Variants in NEDD9 observed in about 807,000 individuals in gnomAD.
NEDD9 encodes the protein neural precursor cell expressed, developmentally down-regulated 9, also known as enhancer of filamentation 1.
A neutral mutation model predicts 76.6 loss-of-function variants in NEDD9; 26 were observed. The ratio of observed to expected loss-of-function variants is 0.34; its 90% CI spans 0.25 to 0.47. The LOEUF is 0.47. NEDD9 is among the 20% of genes least tolerant of loss of function. The pLI, the probability that NEDD9 is intolerant of heterozygous loss-of-function variation, is 1.00. For missense variants in NEDD9, 937 were observed against 1,058.5 expected (o/e 0.89, Z 1.59); for synonymous variants, 392 against 414.2 (o/e 0.95, Z 0.65).
At chr6:11,234,106 T>C (rs1759552338), upstream of NEDD9, among the ~76,000 whole-genome samples, 3 of 152,312 alleles carry the variant, frequency 2.0e-5, no homozygotes, top group Middle Eastern at 3.4e-3. Context: ...CCTAATGAGG[T>C]TGACATACCT....
rs367635568 is a variant in NEDD9 at position 11,256,995 on chromosome 6, T to C, written c.13-43268A>G. ...TTTTTCAACCTCCAATGCTCATGAATGCCAGAAAACAGGGTAACATTTATA... is the reference window on the plus strand; with the variant it reads ...TTTTTCAACCTCCAATGCTCATGAACGCCAGAAAACAGGGTAACATTTATA... On this transcript the variant is annotated intron_variant, in intron 3 of 3. Transcript: ENST00000397378. Among the ~76,000 whole-genome samples the C allele has an allele frequency of 2.0e-4, 30 of 152,318 alleles. No individual in the cohort carries two copies. In the East Asian group the frequency reaches 3.9e-3, roughly 20 times the overall value.
In NEDD9 at chr6:11,190,183, G is replaced by A. The variant is rs1758099614; in HGVS notation, c.1686C>T (p.Gly562=). 6.2e-7 allele frequency: 1 copy of A among 1,614,226 alleles called. No individual in the cohort carries two copies. The highest frequency in any genetic ancestry group is 8.5e-7 in the Non-Finnish European group (1 of 1,180,044). Residue 562 remains glycine (G), a synonymous_variant, in exon 5 of 7, where the codon GGC becomes GGT. Coordinates refer to ENST00000379446, the MANE Select transcript of NEDD9 (RefSeq NM_006403.4). This position sits in a 1 kb window ranked among gnomAD's most constrained non-coding sequence, Gnocchi z 5.8. Reference sequence around the variant, plus strand: ...CCGGCCCATTCTTCAGATGCAAGCTGCCAGGGCCGGGTCTGAAGAGGGCCT... The same window carrying A: ...CCGGCCCATTCTTCAGATGCAAGCTACCAGGGCCGGGTCTGAAGAGGGCCT... ...NAEALFRPGP[G]SLHLKNGPES... is the part of the protein sequence containing the mutation.
intron 3 of NEDD9, among the ~76,000 whole-genome samples, chr6:11,240,509 C>T (rs865825394): frequency 6.6e-6 from 1 of 152,152 alleles, no homozygotes. Context: ...GTGTCACTAC[C>T]GTGCTACTAA....
At chr6:11,300,876 T>C (rs1406347392) in intron 3 of NEDD9, among the ~76,000 whole-genome samples, 1 of 152,100 alleles carries the variant, frequency 6.6e-6, no homozygotes, top group Admixed American at 6.5e-5. Context: ...GCACTAAGCA[T>C]GGAAAGGAAT....
At chr6:11,300,922 G>A (rs1445212298) in intron 3 of NEDD9, among the ~76,000 whole-genome samples, 4 of 152,292 alleles carry the variant, frequency 2.6e-5, no homozygotes, top group Non-Finnish European at 5.9e-5. Flanking sequence ...ATGCCAAATT[G>A]TAAAGACCAT....
chr6:11,190,587 T>C lies in NEDD9; in HGVS notation c.1282A>G (p.Met428Val). Reference protein sequence around the residue: ...QALEMGVSSLMALVTTDWRCY... With the variant: ...QALEMGVSSLVALVTTDWRCY... Reference sequence around the variant, plus strand: ...CGCCAGTCGGTAGTGACCAGTGCCATTAGGCTGGAGACACCCATCTCAAGG... The same window carrying C: ...CGCCAGTCGGTAGTGACCAGTGCCACTAGGCTGGAGACACCCATCTCAAGG... The change falls in exon 5 of 7, where the codon ATG (methionine) becomes GTG (valine). Residue 428 changes from methionine to valine, a missense_variant. By Grantham distance (21) the Met-to-Val change is conservative (BLOSUM62 1). Transcript: ENST00000379446. The surrounding 1 kb of genome is among the most constrained non-coding windows in gnomAD (Gnocchi z 5.8). The C allele has an allele frequency of 6.2e-7, 1 of 1,614,186 alleles. No individual in the cohort carries two copies. The highest frequency in any genetic ancestry group is 1.7e-5 in the Admixed American group (1 of 60,026).
At chr6:11,237,034 C>T (rs1339988931), upstream of NEDD9, among the ~76,000 whole-genome samples, 2 of 152,084 alleles carry the variant, frequency 1.3e-5, no homozygotes, top group East Asian at 1.9e-4. The surrounding 1 kb of genome is among the most constrained non-coding windows in gnomAD (Gnocchi z 4.9). Flanking sequence ...TGAGAATGAC[C>T]CCCCTTCACT....
At chr6:11,221,512 A>G (rs1759145623) in intron 1 of NEDD9, among the ~76,000 whole-genome samples, 1 of 152,210 alleles carries the variant, frequency 6.6e-6, no homozygotes, top group African/African-American at 2.4e-5. Flanking sequence ...CAGAGTAAGA[A>G]GGAACCATTC....
intron 1 of NEDD9, among the ~76,000 whole-genome samples, chr6:11,361,772 T>C (rs1762683572): frequency 2.0e-5 from 3 of 152,114 alleles, no homozygotes; most frequent in Admixed American, 2.0e-4. Flanking sequence ...ACAATCTAAT[T>C]GCGACCCTAA....
intron 2 of NEDD9, among the ~76,000 whole-genome samples, chr6:11,195,766 G>A (rs757944810): frequency 1.3e-5 from 2 of 152,078 alleles, no homozygotes. Context: ...AGGCCAAGGC[G>A]GGAGAATCAC....
At chr6:11,233,031 A>G (rs1368888497), upstream of NEDD9, among the ~76,000 whole-genome samples, 1 of 152,142 alleles carries the variant, frequency 6.6e-6, no homozygotes, top group Non-Finnish European at 1.5e-5. Context: ...CTCCTTCATA[A>G]ACCCATTTCG....
intron 1 of NEDD9, among the ~76,000 whole-genome samples, chr6:11,355,146 T>G (rs1169517696): frequency 1.3e-5 from 2 of 152,028 alleles, no homozygotes; most frequent in Non-Finnish European, 1.5e-5. Flanking sequence ...ATGCATATGG[T>G]ATGGTGGGTC....
Position 11,305,166 on chromosome 6 carries a change from T to C in NEDD9, c.12+826A>G, listed in dbSNP as rs944630342. The C allele has an allele frequency of 5.4e-6, 7 of 1,285,332 alleles. No individual in the cohort carries two copies. In the African/African-American group the frequency reaches 7.6e-5, roughly 14 times the overall value. 79.6% of individuals were successfully genotyped at this position (1,285,332 alleles called of 1,614,324 possible). A position where few individuals can be genotyped will look rare whatever the true frequency, so the allele number is the denominator to read the frequency against. On this transcript the variant is annotated intron_variant, in intron 3 of 3. Transcript: ENST00000397378. ...GCAGTTGATGGTTGATTCTCTGAGA[T>C]ACAGAAAACAGTTGATCGATCTCAA...
At chr6:11,350,456 GT>G (rs1456585597) in intron 1 of NEDD9, among the ~76,000 whole-genome samples, 1 of 152,166 alleles carries the variant, frequency 6.6e-6, no homozygotes, top group East Asian at 1.9e-4. Flanking sequence ...TTTTCTCTCA[GT>G]TCAGTTTCTC....
intron 3 of NEDD9, among the ~76,000 whole-genome samples, chr6:11,283,876 G>T (rs1257466498): frequency 6.6e-6 from 1 of 152,138 alleles, no homozygotes; most frequent in African/African-American, 2.4e-5. Flanking sequence ...GGTAGTAGTG[G>T]TGAGTGATGA....
In NEDD9 at chr6:11,185,690, C is replaced by G. The variant is rs373827109; in HGVS notation, c.1996-19G>C. The G allele has an allele frequency of 6.2e-6, 10 of 1,613,200 alleles. No homozygotes were observed. Among genetic ancestry groups the G allele is most frequent in the Non-Finnish European group, 8.5e-6 (10 of 1,179,754 alleles). On this transcript the variant is annotated intron_variant, in intron 6 of 6. Transcript: ENST00000379446. The stretch of plus-strand genomic sequence containing the variant: ...GGCTCAGCTGCAAGGAAGACGAAAG[C>G]AGATCTCATTAGAGCAAGGGAGTGT...
chr6:11,275,853 TG>T (rs1243915345), intron 3 of NEDD9, among the ~76,000 whole-genome samples: 1 of 152,166 alleles, frequency 6.6e-6, no homozygotes, highest in Non-Finnish European at 1.5e-5. Context: ...CTACTCAAAC[TG>T]GGGGAGGATG....
intron 3 of NEDD9, among the ~76,000 whole-genome samples, chr6:11,288,647 A>T (rs6928223): frequency 0.32 from 48,325 of 152,108 alleles, 8,151 homozygotes; most frequent in African/African-American, 0.45. Context: ...AGGGGCTTTC[A>T]GACCCTCTGA....
intron 1 of NEDD9, among the ~76,000 whole-genome samples, chr6:11,347,052 C>A (rs1311889490): frequency 6.6e-6 from 1 of 152,138 alleles, no homozygotes; most frequent in African/African-American, 2.4e-5. Flanking sequence ...TCAGCCCTCT[C>A]CACCATCCCC....
Sources: gnomAD v4.1 joint callset for allele counts (sites outside exome capture counted in the v4.1 genomes callset) on GRCh38, gnomAD v4.1.1 for gene constraint, Gnocchi (gnomAD v3.1) non-coding constraint, MANE v1.5 for transcripts, NCBI Gene and HGNC (gene_info 2026-07-23, HGNC 2026-07-21) for gene names.